Variants in DRC11 observed in about 807,000 individuals in gnomAD.
DRC11 encodes the protein IQ and AAA domain-containing protein 1.
chr2:236,404,460 C>T, the DRC11 span, among the ~76,000 whole-genome samples: 1 of 152,300 alleles, frequency 6.6e-6, no homozygotes, highest in South Asian at 2.1e-4. Flanking sequence ...TGACTCCTAT[C>T]CCCATCGCTC....
At chr2:236,441,245 A>C in the DRC11 span, 2 of 695,732 alleles carry the variant, frequency 2.9e-6, no homozygotes, top group Admixed American at 2.3e-5. Context: ...GGTTCCCTGT[A>C]GATCAAGGGC....
At chr2:236,408,181 T>C in the DRC11 span, 1 of 735,136 alleles carries the variant, frequency 1.4e-6, no homozygotes, top group Non-Finnish European at 2.5e-6. This position sits in a 1 kb window ranked among gnomAD's most constrained non-coding sequence, Gnocchi z 5.5. Context: ...CTTGATCAGT[T>C]TGTCGTCCTT....
At chr2:236,486,860 A>T in the DRC11 span, 6 of 1,611,060 alleles carry the variant, frequency 3.7e-6, no homozygotes, top group Non-Finnish European at 5.1e-6. This position sits in a 1 kb window ranked among gnomAD's most constrained non-coding sequence, Gnocchi z 5.7. Flanking sequence ...CTCTTCTCTC[A>T]GTTTTTCAGT....
chr2:236,405,088 T>A, the DRC11 span, among the ~76,000 whole-genome samples: 1 of 152,202 alleles, frequency 6.6e-6, no homozygotes, highest in Non-Finnish European at 1.5e-5. This position sits in a 1 kb window ranked among gnomAD's most constrained non-coding sequence, Gnocchi z 4.6. Context: ...TAGCTTTCAA[T>A]GTATGAATTT....
At chr2:236,355,096 G>C in the DRC11 span, among the ~76,000 whole-genome samples, 3 of 152,318 alleles carry the variant, frequency 2.0e-5, no homozygotes, top group African/African-American at 7.2e-5. Flanking sequence ...CCCCTCCCGG[G>C]TGTCTGGTTT....
the DRC11 span, among the ~76,000 whole-genome samples, chr2:236,357,789 T>TAC: frequency 1.6e-5 from 2 of 124,900 alleles, no homozygotes; most frequent in Admixed American, 8.7e-5. Context: ...ATGTTATATA[T>TAC]ACATATACTA....
the DRC11 span, among the ~76,000 whole-genome samples, chr2:236,325,276 C>T: frequency 6.6e-6 from 1 of 152,184 alleles, no homozygotes; most frequent in Admixed American, 6.5e-5. The surrounding 1 kb of genome is among the most constrained non-coding windows in gnomAD (Gnocchi z 4.4). Flanking sequence ...TCAACCTTTG[C>T]GTTTTATTTG....
the DRC11 span, among the ~76,000 whole-genome samples, chr2:236,338,549 C>T: frequency 3.3e-5 from 5 of 152,200 alleles, no homozygotes; most frequent in African/African-American, 1.2e-4. Context: ...GAATGTGCTT[C>T]CCAGTATGAC....
At chr2:236,386,270 C>T in the DRC11 span, among the ~76,000 whole-genome samples, 2 of 151,132 alleles carry the variant, frequency 1.3e-5, no homozygotes, top group Admixed American at 6.6e-5. Context: ...TGGTAGAATT[C>T]GGCTGTGAAT....
chr2:236,449,014 C>T, the DRC11 span, among the ~76,000 whole-genome samples: 1 of 151,952 alleles, frequency 6.6e-6, no homozygotes, highest in Non-Finnish European at 1.5e-5. This position sits in a 1 kb window ranked among gnomAD's most constrained non-coding sequence, Gnocchi z 5.1. Flanking sequence ...TGCGTGCCAC[C>T]ACGCCTGGCA....
At chr2:236,367,150 T>C in the DRC11 span, among the ~76,000 whole-genome samples, 1 of 150,860 alleles carries the variant, frequency 6.6e-6, no homozygotes, top group African/African-American at 2.4e-5. The surrounding 1 kb of genome is among the most constrained non-coding windows in gnomAD (Gnocchi z 4.8). Flanking sequence ...CTGCCTTCCA[T>C]GATGCTTCAT....
the DRC11 span, among the ~76,000 whole-genome samples, chr2:236,434,436 A>G: frequency 2.0e-5 from 3 of 152,228 alleles, no homozygotes; most frequent in Admixed American, 2.0e-4. This position sits in a 1 kb window ranked among gnomAD's most constrained non-coding sequence, Gnocchi z 5.5. Context: ...AAGGGTTTCA[A>G]TATGCCAAGC....
chr2:236,334,864 G>A, the DRC11 span, among the ~76,000 whole-genome samples: 2 of 152,114 alleles, frequency 1.3e-5, no homozygotes, highest in Non-Finnish European at 2.9e-5. The surrounding 1 kb of genome is among the most constrained non-coding windows in gnomAD (Gnocchi z 7.8). Context: ...GGTTATTAGC[G>A]AAATGCACCC....
the DRC11 span, chr2:236,331,373 C>T: frequency 3.1e-6 from 5 of 1,612,648 alleles, no homozygotes; most frequent in Non-Finnish European, 4.2e-6. The surrounding 1 kb of genome is among the most constrained non-coding windows in gnomAD (Gnocchi z 4.8). Context: ...AAGCTCTCTT[C>T]TTCCTCTTTG....
chr2:236,325,134 A>G, the DRC11 span, among the ~76,000 whole-genome samples: 1 of 152,158 alleles, frequency 6.6e-6, no homozygotes, highest in African/African-American at 2.4e-5. The surrounding 1 kb of genome is among the most constrained non-coding windows in gnomAD (Gnocchi z 4.4). Context: ...ATATGTGGCC[A>G]TGTTCAGTAA....
At chr2:236,314,502 G>T in the DRC11 span, among the ~76,000 whole-genome samples, 2 of 152,060 alleles carry the variant, frequency 1.3e-5, no homozygotes, top group Non-Finnish European at 2.9e-5. The surrounding 1 kb of genome is among the most constrained non-coding windows in gnomAD (Gnocchi z 4.5). Flanking sequence ...TATGAGAATT[G>T]CAAACAAATA....
the DRC11 span, among the ~76,000 whole-genome samples, chr2:236,480,428 C>CT: frequency 5.3e-5 from 8 of 151,880 alleles, no homozygotes; most frequent in African/African-American, 1.7e-4. Flanking sequence ...CCTTTTCATT[C>CT]TTTTTTTTCC....
At chr2:236,493,667 T>C in the DRC11 span, 1 of 1,006,160 alleles carries the variant, frequency 9.9e-7, no homozygotes. Flanking sequence ...ATTCTCTGCT[T>C]AAACTGAAAA....
At chr2:236,331,388 C>T in the DRC11 span, 1 of 1,613,700 alleles carries the variant, frequency 6.2e-7, no homozygotes, top group Admixed American at 1.7e-5. The surrounding 1 kb of genome is among the most constrained non-coding windows in gnomAD (Gnocchi z 4.8). Context: ...TCTTTGTACA[C>T]TGGATTCATG....
Sources: allele counts gnomAD v4.1 joint callset (sites outside exome capture counted in the v4.1 genomes callset), GRCh38; gene constraint gnomAD v4.1.1; non-coding constraint Gnocchi (gnomAD v3.1); transcripts MANE v1.5; gene names NCBI Gene and HGNC (gene_info 2026-07-23, HGNC 2026-07-21).